Variants in SHISA9 observed in about 807,000 individuals in gnomAD.
SHISA9 encodes shisa family member 9.
Under a neutral mutation model 38.0 loss-of-function variants are expected in SHISA9, and 13 were observed. The observed-to-expected ratio is 0.34, with a 90% CI of 0.22 to 0.54. The LOEUF is 0.54. SHISA9 is among the 20% of genes least tolerant of loss of function. The probability of loss-of-function intolerance (pLI) is 0.91; values close to 1 mark genes in which losing one functional copy is unlikely to be tolerated. For missense variants in SHISA9, 538 were observed against 575.8 expected, an observed-to-expected ratio of 0.93 and a Z score of 0.67; for synonymous variants, 275 against 242.0, an observed-to-expected ratio of 1.14 and a Z score of -1.27.
chr16:13,081,415 C>G (rs780430909), intron 2 of SHISA9, among the ~76,000 whole-genome samples: 3 of 152,130 alleles, frequency 2.0e-5, no homozygotes, highest in Non-Finnish European at 4.4e-5. Context: ...CCAGTCCTCA[C>G]GGCTACTGTG....
In SHISA9 at chr16:13,235,495, C is replaced by G. The variant is rs1470289126; in HGVS notation, c.*86C>G. 1.4e-6 allele frequency: 2 copies of G among 1,399,542 alleles called. No homozygotes were observed. The highest frequency in any genetic ancestry group is 5.2e-5 in the Admixed American group (2 of 38,244). 86.7% of individuals were successfully genotyped at this position (1,399,542 alleles called of 1,614,324 possible). A position where few individuals can be genotyped will look rare whatever the true frequency, so the allele number is the denominator to read the frequency against. ...CCGCCCACACCCTCCCCATCCTCCC[C>G]TAATACATGCGTCCACACACTCACT... On this transcript the variant is annotated 3_prime_UTR_variant, in exon 5 of 5. Coordinates refer to ENST00000558583, the MANE Select transcript of SHISA9 (RefSeq NM_001145204.3).
At chr16:13,260,243 C>T in the SHISA9 span, among the ~76,000 whole-genome samples, 2 of 151,734 alleles carry the variant, frequency 1.3e-5, no homozygotes, top group African/African-American at 4.8e-5. Context: ...GTCTTGATCT[C>T]CTGACCTTGT....
chr16:13,438,345 C>G, the SHISA9 span, among the ~76,000 whole-genome samples: 1 of 152,088 alleles, frequency 6.6e-6, no homozygotes, highest in Non-Finnish European at 1.5e-5. Flanking sequence ...AGTATCAGTT[C>G]CCCAATACCC....
the SHISA9 span, among the ~76,000 whole-genome samples, chr16:13,382,530 C>CAAA: frequency 4.9e-4 from 24 of 48,972 alleles, no homozygotes; most frequent in African/African-American, 1.6e-3. Flanking sequence ...AACTCCATCT[C>CAAA]AAAAAAAAAA....
intron 4 of SHISA9, among the ~76,000 whole-genome samples, chr16:13,231,966 A>T (rs576093293): frequency 6.6e-6 from 1 of 152,370 alleles, no homozygotes; most frequent in Non-Finnish European, 1.5e-5. Flanking sequence ...AAGCGGGAGA[A>T]ATAGTCCCCA....
At chr16:13,499,435 TG>T in the SHISA9 span, among the ~76,000 whole-genome samples, 192 of 152,198 alleles carry the variant, frequency 1.3e-3, 7 homozygotes, top group East Asian at 0.033. Flanking sequence ...AGAGAAAGCA[TG>T]TAACAAAAAT....
At chr16:13,453,517 G>A in the SHISA9 span, among the ~76,000 whole-genome samples, 1 of 152,050 alleles carries the variant, frequency 6.6e-6, no homozygotes, top group Non-Finnish European at 1.5e-5. Flanking sequence ...AACAAGCCTG[G>A]GCTAGCCTAC....
chr16:13,368,584 T>C, the SHISA9 span, among the ~76,000 whole-genome samples: 12 of 152,142 alleles, frequency 7.9e-5, no homozygotes, highest in East Asian at 5.8e-4. Context: ...AGAAGACCTT[T>C]AAAAGACGTA....
chr16:13,247,817 G>A, the SHISA9 span, among the ~76,000 whole-genome samples: 1 of 152,188 alleles, frequency 6.6e-6, no homozygotes, highest in African/African-American at 2.4e-5. Context: ...ATCTTATGAT[G>A]CCTCTTTTTA....
intron 2 of SHISA9, among the ~76,000 whole-genome samples, chr16:13,051,118 A>G (rs575599354): frequency 1.3e-5 from 2 of 152,328 alleles, no homozygotes; most frequent in South Asian, 4.1e-4. Context: ...CTGTTCTCAC[A>G]CTGCTAATAA....
At chr16:13,067,021 T>G (rs1263714959) in intron 2 of SHISA9, among the ~76,000 whole-genome samples, 1 of 152,166 alleles carries the variant, frequency 6.6e-6, no homozygotes, top group Non-Finnish European at 1.5e-5. Flanking sequence ...TTAAATGCTT[T>G]GGGTATTAGG....
At chr16:12,961,456 G>C (rs77743163) in intron 2 of SHISA9, among the ~76,000 whole-genome samples, 1 of 152,104 alleles carries the variant, frequency 6.6e-6, no homozygotes, top group Non-Finnish European at 1.5e-5. Flanking sequence ...AAGTGGAGGC[G>C]GTTCCATCAA....
intron 2 of SHISA9, among the ~76,000 whole-genome samples, chr16:13,187,358 A>G (rs2050836780): frequency 1.3e-5 from 1 of 77,220 alleles, no homozygotes; most frequent in African/African-American, 5.8e-5. Flanking sequence ...TTTTTGAGGC[A>G]GAGTCTTGCT....
At chr16:13,354,706 A>T in the SHISA9 span, among the ~76,000 whole-genome samples, 1 of 151,968 alleles carries the variant, frequency 6.6e-6, no homozygotes, top group Non-Finnish European at 1.5e-5. Flanking sequence ...TTGTTTGGAC[A>T]GAAAGGCTAC....
At chr16:13,233,963 A>G (rs947895002) in intron 4 of SHISA9, among the ~76,000 whole-genome samples, 1 of 152,194 alleles carries the variant, frequency 6.6e-6, no homozygotes, top group African/African-American at 2.4e-5. Flanking sequence ...TGATTGTGCC[A>G]CTGCACTCCA....
At chr16:13,012,709 G>A (rs1216611535) in intron 2 of SHISA9, among the ~76,000 whole-genome samples, 2 of 152,184 alleles carry the variant, frequency 1.3e-5, no homozygotes, top group African/African-American at 2.4e-5. Context: ...CATCATAAAG[G>A]GCCTGCAGGG....
intron 2 of SHISA9, among the ~76,000 whole-genome samples, chr16:13,186,651 T>C (rs1335884750): frequency 6.6e-6 from 1 of 152,166 alleles, no homozygotes; most frequent in East Asian, 1.9e-4. Flanking sequence ...TACATTCGCA[T>C]TGTTGTGCAA....
the SHISA9 span, among the ~76,000 whole-genome samples, chr16:13,366,549 A>G: frequency 2.0e-5 from 3 of 152,276 alleles, no homozygotes; most frequent in South Asian, 6.2e-4. Context: ...AGTAGCAAGA[A>G]TCCAGGTTTT....
intron 2 of SHISA9, among the ~76,000 whole-genome samples, chr16:13,053,840 G>T (rs1036987884): frequency 5.9e-5 from 9 of 152,094 alleles, no homozygotes; most frequent in Admixed American, 3.3e-4. Flanking sequence ...ATAACTCTTG[G>T]TGAACATGTC....
Sources: allele counts gnomAD v4.1 joint callset (sites outside exome capture counted in the v4.1 genomes callset), GRCh38; gene constraint gnomAD v4.1.1; transcripts MANE v1.5; gene names NCBI Gene and HGNC (gene_info 2026-07-23, HGNC 2026-07-21).